KSR2: variants seen among roughly 807,000 people sequenced by gnomAD.
KSR2 encodes kinase suppressor of ras 2.
A neutral mutation model predicts 107.8 loss-of-function variants in KSR2; 25 were observed. The observed-to-expected ratio is 0.23, with a 90% CI of 0.17 to 0.32. The LOEUF (loss-of-function observed/expected upper bound fraction) is 0.32. KSR2 is among the 10% of genes least tolerant of loss of function. KSR2 has a pLI of 1.00. For missense variants in KSR2, 887 were observed against 1,268.9 expected, an observed-to-expected ratio of 0.70 and a Z score of 4.57; for synonymous variants, 480 against 507.0, an observed-to-expected ratio of 0.95 and a Z score of 0.71.
intron 1 of KSR2, among the ~76,000 whole-genome samples, chr12:117,937,479 G>A (rs1895882108): frequency 6.6e-6 from 1 of 151,968 alleles, no homozygotes; most frequent in Non-Finnish European, 1.5e-5. Context: ...TACCTTAGGG[G>A]ACCAATAAAT....
At chr12:117,839,789 A>C (rs889329762) in intron 3 of KSR2, among the ~76,000 whole-genome samples, 5 of 152,188 alleles carry the variant, frequency 3.3e-5, no homozygotes, top group Non-Finnish European at 5.9e-5. Flanking sequence ...ATGCAAAGGG[A>C]CGGTGAATCA....
intron 6 of KSR2, among the ~76,000 whole-genome samples, chr12:117,581,242 T>C (rs2136240923): frequency 6.6e-6 from 1 of 152,262 alleles, no homozygotes; most frequent in South Asian, 2.1e-4. Flanking sequence ...GTGATGCATC[T>C]GCCCCTGATA....
chr12:117,471,214 T>C lies in KSR2; in HGVS notation c.2689A>G (p.Ile897Val). The C allele has an allele frequency of 6.2e-7, 1 of 1,613,968 alleles. No individual in the cohort carries two copies. The highest frequency in any genetic ancestry group is 8.5e-7 in the Non-Finnish European group (1 of 1,179,860). Residue 897 changes from isoleucine to valine, a missense_variant, in exon 18 of 20, where the codon ATT becomes GTT. Ile to Val is a conservative substitution (Grantham distance 29). Around this residue, in one of 8 missense-constraint regions of KSR2, gnomAD observed 308 missense variants for 506.2 expected, o/e 0.61. Transcript: ENST00000339824. Reference protein sequence around the residue: ...GTGMKPNLSQIGMGKEISDIL... With the variant: ...GTGMKPNLSQVGMGKEISDIL... ...ACCGAGATTTCTTTTCCCATGCCAA[T>C]CTGGCTGAGGTTGGGTTTCATGCCT... is the stretch of plus-strand genomic sequence containing the variant.
intron 3 of KSR2, among the ~76,000 whole-genome samples, chr12:117,815,018 G>C (rs1429643750): frequency 6.6e-6 from 1 of 152,134 alleles, no homozygotes; most frequent in Non-Finnish European, 1.5e-5. Context: ...AATACAGATG[G>C]CTCTTAAATA....
chr12:117,901,273 C>T (rs375547398), intron 1 of KSR2, among the ~76,000 whole-genome samples: 9 of 151,290 alleles, frequency 5.9e-5, no homozygotes, highest in African/African-American at 9.7e-5. Context: ...ATAAACTATG[C>T]GATATTTTAA....
intron 10 of KSR2, 97 bp downstream of exon 10, chr12:117,539,622 G>C (rs1876322602): frequency 3.3e-6 from 4 of 1,211,490 alleles, no homozygotes; most frequent in South Asian, 3.3e-5. Flanking sequence ...TTCCTGCAGA[G>C]ACTTGCTGCA....
At chr12:117,586,941 TGAG>T (rs1880038483) in intron 5 of KSR2, among the ~76,000 whole-genome samples, 1 of 152,194 alleles carries the variant, frequency 6.6e-6, no homozygotes, top group African/African-American at 2.4e-5. Flanking sequence ...ATGGGAATAT[TGAG>T]GCTTAGAAGC....
rs115533356 is a variant in KSR2, at chr12:117,897,243, G to A, written c.181-36812C>T. 0.011 allele frequency among the ~76,000 whole-genome samples: 1,681 copies of A among 152,256 alleles called. 31 individuals carry two copies. The highest frequency in any genetic ancestry group is 0.039 in the African/African-American group (1,605 of 41,554). On this transcript the variant is annotated intron_variant, in intron 1 of 19. Transcript: ENST00000339824. The surrounding 1 kb of genome is among the most constrained non-coding windows in gnomAD (Gnocchi z 4.5). ...ATGCACATCAGAAATGATCTGGAGGGGGCAAACATGCCAGGGCAGTGGTGC... is the reference window on the plus strand; with the variant it reads ...ATGCACATCAGAAATGATCTGGAGGAGGCAAACATGCCAGGGCAGTGGTGC...
At chr12:117,515,710 G>A (rs1049719909) in intron 14 of KSR2, among the ~76,000 whole-genome samples, 1 of 152,206 alleles carries the variant, frequency 6.6e-6, no homozygotes. Context: ...CAGATCATTT[G>A]AGGTCAGGAG....
chr12:117,453,606 C>T lies in KSR2; in HGVS notation c.*13593G>A, dbSNP rs773250759. ...CAGCATAATTTACATATAGAGAAAGCCTTTTTACAATTGAGGAATTTTCCT... is the reference window on the plus strand; with the variant it reads ...CAGCATAATTTACATATAGAGAAAGTCTTTTTACAATTGAGGAATTTTCCT... On this transcript the variant is annotated 3_prime_UTR_variant, in exon 20 of 20. Coordinates refer to ENST00000339824, the MANE Select transcript of KSR2 (RefSeq NM_173598.6). 1.3e-5 allele frequency: 2 copies of T among 152,062 alleles called. No homozygotes were observed. Among genetic ancestry groups the T allele is most frequent in the African/African-American group, 4.8e-5 (2 of 41,402 alleles). The allele number at this position is 152,062 out of a possible 1,614,324, so 9.4% of individuals were successfully genotyped here.
intron 1 of KSR2, among the ~76,000 whole-genome samples, chr12:117,884,131 T>A (rs1303909011): frequency 6.6e-6 from 1 of 152,012 alleles, no homozygotes. Context: ...AAACAGAGGC[T>A]CCAGACAATG....
intron 1 of KSR2, among the ~76,000 whole-genome samples, chr12:117,868,379 C>T (rs542022516): frequency 8.3e-4 from 125 of 151,168 alleles, no homozygotes; most frequent in Middle Eastern, 3.4e-3. Flanking sequence ...GCCGAGATCA[C>T]GCCACTGCAC....
intron 1 of KSR2, among the ~76,000 whole-genome samples, chr12:117,894,915 T>C (rs1038567122): frequency 3.3e-5 from 5 of 151,828 alleles, no homozygotes; most frequent in African/African-American, 9.7e-5. Context: ...GTCTCAGGTA[T>C]GTAATTATAG....
At chr12:117,858,584 T>C (rs941032389) in intron 2 of KSR2, among the ~76,000 whole-genome samples, 2 of 152,102 alleles carry the variant, frequency 1.3e-5, no homozygotes, top group Admixed American at 6.5e-5. Context: ...CCTCTTCAAG[T>C]AGGAAGCAGG....
rs545122952 is a variant in KSR2 at position 117,914,631 on chromosome 12, C to T, written c.180+53445G>A. Among the ~76,000 whole-genome samples, 208 of 152,254 alleles carry T rather than the reference C, an allele frequency of 1.4e-3. 1 individual carries two copies. Among genetic ancestry groups the T allele is most frequent in the Middle Eastern group, 6.8e-3 (2 of 294 alleles). On this transcript the variant is annotated intron_variant, in intron 1 of 19. Coordinates refer to ENST00000339824, the MANE Select transcript of KSR2 (RefSeq NM_173598.6). ...CTCACTGCAGCCTTGAACCCCCAGG[C>T]TCAAGCCATCCTCCCACCTCAGCCT...
chr12:117,853,063 A>G (rs1892981658), intron 3 of KSR2, among the ~76,000 whole-genome samples: 1 of 152,130 alleles, frequency 6.6e-6, no homozygotes, highest in Non-Finnish European at 1.5e-5. Flanking sequence ...TCGGCCTCCT[A>G]AAGTGCTGGG....
At chr12:117,780,402 C>T (rs1889844041) in intron 3 of KSR2, among the ~76,000 whole-genome samples, 1 of 152,190 alleles carries the variant, frequency 6.6e-6, no homozygotes, top group South Asian at 2.1e-4. Context: ...AGTTCTGATA[C>T]ATGTTACAAC....
At chr12:117,864,425 T>C (rs751761145) in intron 1 of KSR2, among the ~76,000 whole-genome samples, 1 of 152,216 alleles carries the variant, frequency 6.6e-6, no homozygotes, top group African/African-American at 2.4e-5. Flanking sequence ...TGTGTATATG[T>C]ATACATACAT....
chr12:117,955,532 G>A (rs1023150737), intron 1 of KSR2, among the ~76,000 whole-genome samples: 2 of 152,248 alleles, frequency 1.3e-5, no homozygotes, highest in East Asian at 1.9e-4. Flanking sequence ...TCACCTCAGA[G>A]CTCAAGCCCT....
Sources: allele counts gnomAD v4.1 joint callset (sites outside exome capture counted in the v4.1 genomes callset), GRCh38; gene constraint gnomAD v4.1.1; regional missense constraint gnomAD v4.1.1; non-coding constraint Gnocchi (gnomAD v3.1); transcripts MANE v1.5; gene names NCBI Gene and HGNC (gene_info 2026-07-23, HGNC 2026-07-21).